Variants in PPP2R2D observed in about 807,000 individuals in gnomAD.
PPP2R2D encodes serine/threonine-protein phosphatase 2A 55 kDa regulatory subunit B delta isoform.
In PPP2R2D, 9 loss-of-function variants were observed where a neutral mutation model predicts 31.1. The observed-to-expected ratio is 0.29, with a 90% confidence interval of 0.17 to 0.51. PPP2R2D has a LOEUF of 0.51. Ranked by LOEUF, PPP2R2D falls within the 20% of genes least tolerant of loss-of-function variation. The pLI, the probability that PPP2R2D is intolerant of heterozygous loss-of-function variation, is 0.98. For missense variants in PPP2R2D, 391 were observed against 465.6 expected (o/e 0.84, Z 1.48); for synonymous variants, 179 against 172.6 (o/e 1.04, Z -0.29).
chr10:131,901,623 G>T (rs1337622811), intron 2 of PPP2R2D, among the ~76,000 whole-genome samples: 1 of 152,144 alleles, frequency 6.6e-6, no homozygotes, highest in African/African-American at 2.4e-5. Context: ...GCTGCCTCCT[G>T]CCCGGGGCGG....
intron 2 of PPP2R2D, among the ~76,000 whole-genome samples, chr10:131,902,385 C>T (rs2035514711): frequency 6.6e-6 from 1 of 152,270 alleles, no homozygotes; most frequent in African/African-American, 2.4e-5. Flanking sequence ...AACTTTTACT[C>T]CCTCTTCCCT....
At chr10:131,949,744 A>G (rs1460837445) in intron 8 of PPP2R2D, among the ~76,000 whole-genome samples, 3 of 151,544 alleles carry the variant, frequency 2.0e-5, no homozygotes, top group Non-Finnish European at 4.4e-5. Context: ...ATGATACATG[A>G]CCGCCAAACA....
intron 2 of PPP2R2D, among the ~76,000 whole-genome samples, chr10:131,927,155 T>G (rs531132127): frequency 2.0e-5 from 3 of 152,064 alleles, no homozygotes; most frequent in Admixed American, 6.5e-5. Context: ...GCAGATTCAT[T>G]AATGGGAAGT....
At chr10:131,912,735 C>T (rs2035704598) in intron 2 of PPP2R2D, 2 of 152,174 alleles carry the variant, frequency 1.3e-5, no homozygotes, top group African/African-American at 2.4e-5. Context: ...GTCCAGAGCC[C>T]ATACTTAAGT....
At position 131,945,610 on chromosome 10, in the gene PPP2R2D, C is replaced by A; in HGVS notation, c.820+151C>A. 1.2e-6 allele frequency: 1 copy of A among 816,268 alleles called. No individual in the cohort carries two copies. Among genetic ancestry groups the A allele is most frequent in the East Asian group, 2.7e-5 (1 of 36,592 alleles). 50.6% of individuals were successfully genotyped at this position (816,268 alleles called of 1,614,324 possible). ...GAGTAGCTGGGACCACAGGCAGGTG[C>A]CACCATGCCCAGCTAGTTTTTGTAT... On this transcript the variant is annotated intron_variant, in intron 7 of 8. Coordinates refer to ENST00000455566, the MANE Select transcript of PPP2R2D (RefSeq NM_018461.5). This position sits in a 1 kb window ranked among gnomAD's most constrained non-coding sequence, Gnocchi z 4.8.
chr10:131,971,486 TCAGAATTATATAA>T, the PPP2R2D span: 1 of 157,406 alleles, frequency 6.4e-6, no homozygotes, highest in African/African-American at 2.4e-5. Context: ...GGCCAAATCC[TCAGAATTATATAA>T]CAGCACGAAA....
At chr10:131,902,360 C>T (rs998354547) in intron 2 of PPP2R2D, among the ~76,000 whole-genome samples, 2 of 152,048 alleles carry the variant, frequency 1.3e-5, no homozygotes, top group African/African-American at 2.4e-5. Flanking sequence ...CCATCTCGGC[C>T]CCCCCAACCC....
At chr10:131,939,618 T>C (rs12770638) in intron 3 of PPP2R2D, among the ~76,000 whole-genome samples, 9 of 85,294 alleles carry the variant, frequency 1.1e-4, no homozygotes, top group East Asian at 9.7e-4. Context: ...CAGACCTGCT[T>C]CAGAAAATAC....
the PPP2R2D span, chr10:131,966,494 A>G: frequency 6.6e-6 from 1 of 152,218 alleles, no homozygotes; most frequent in Non-Finnish European, 1.5e-5. Flanking sequence ...CTAATGTTAC[A>G]ATCTAACGAA....
At chr10:131,910,621 C>T (rs2035667010) in intron 2 of PPP2R2D, among the ~76,000 whole-genome samples, 1 of 152,194 alleles carries the variant, frequency 6.6e-6, no homozygotes, top group African/African-American at 2.4e-5. Context: ...AGGGCTAGTT[C>T]AGCTTGTGTG....
In PPP2R2D at chr10:131,943,974, A is replaced by T; in HGVS notation, c.484A>T (p.Ile162Leu). The T allele has an allele frequency of 1.1e-6, 1 of 905,984 alleles. No individual in the cohort carries two copies. Among genetic ancestry groups the T allele is most frequent in the Non-Finnish European group, 1.9e-6 (1 of 534,650 alleles). 56.1% of individuals were successfully genotyped at this position (905,984 alleles called of 1,614,324 possible). A position where few individuals can be genotyped will look rare whatever the true frequency, so the allele number is the denominator to read the frequency against. The change falls in exon 6 of 9, where the codon ATA (isoleucine) becomes TTA (leucine). Residue 162 changes from isoleucine (I) to leucine (L), a missense_variant. By Grantham distance (5) the Ile-to-Leu change is conservative (BLOSUM62 2). Around this residue, in one of 3 missense-constraint regions of PPP2R2D, gnomAD observed 105 missense variants for 98.5 expected, o/e 1.07. Coordinates refer to ENST00000455566, the MANE Select transcript of PPP2R2D (RefSeq NM_018461.5). Reference protein sequence around the residue: ...PFRITALRVPILKPMDLMVEA... With the variant: ...PFRITALRVPLLKPMDLMVEA... ...TATTTCCTTCCATTTTTAGGTCCCAATATTGAAGCCCATGGATCTTATGGT... is the reference window on the plus strand; with the variant it reads ...TATTTCCTTCCATTTTTAGGTCCCATTATTGAAGCCCATGGATCTTATGGT...
chr10:131,924,178 A>C (rs1483009545), intron 2 of PPP2R2D, among the ~76,000 whole-genome samples: 1 of 152,032 alleles, frequency 6.6e-6, no homozygotes, highest in Non-Finnish European at 1.5e-5. Flanking sequence ...GATGGTGTCC[A>C]CCTTATTTTT....
Position 131,957,349 on chromosome 10 carries a change from A to C in PPP2R2D, c.*1386A>C. 1 of 185,736 alleles carries C rather than the reference A, an allele frequency of 5.4e-6. No individual in the cohort carries two copies. 11.5% of individuals were successfully genotyped at this position (185,736 alleles called of 1,614,324 possible). ...CCTGTGGAGAAGGAGGTGTGTGCTG[A>C]TCCCCTGTGCCCTGTGGAGATGGAG... On this transcript the variant is annotated 3_prime_UTR_variant, in exon 9 of 9. Transcript: ENST00000455566.
chr10:131,930,252 G>A (rs2036195869), intron 2 of PPP2R2D, among the ~76,000 whole-genome samples: 1 of 151,968 alleles, frequency 6.6e-6, no homozygotes, highest in South Asian at 2.1e-4. Flanking sequence ...ACTTCAACAG[G>A]TCTATCAAAT....
At chr10:131,917,670 T>C (rs1236462765) in intron 2 of PPP2R2D, among the ~76,000 whole-genome samples, 3 of 93,962 alleles carry the variant, frequency 3.2e-5, no homozygotes, top group Non-Finnish European at 6.0e-5. Context: ...GGACCTCATG[T>C]GGGTGGAATG....
At chr10:131,938,085 G>A (rs782094460) in intron 3 of PPP2R2D, among the ~76,000 whole-genome samples, 5 of 151,524 alleles carry the variant, frequency 3.3e-5, no homozygotes, top group Middle Eastern at 6.8e-3. Context: ...TCAGTGCAGC[G>A]ACGCGGGGCA....
chr10:131,963,262 C>G (rs1471893639), downstream of PPP2R2D, among the ~76,000 whole-genome samples: 1 of 152,148 alleles, frequency 6.6e-6, no homozygotes, highest in African/African-American at 2.4e-5. Flanking sequence ...ATTTGTTATC[C>G]AAACCTAAAT....
At chr10:131,925,799 A>G (rs1554894840) in intron 2 of PPP2R2D, among the ~76,000 whole-genome samples, 1 of 152,238 alleles carries the variant, frequency 6.6e-6, no homozygotes, top group Non-Finnish European at 1.5e-5. Flanking sequence ...GAAAGCTCTC[A>G]GCAAAGATAG....
At chr10:131,917,967 ACG>A (rs2035852295) in intron 2 of PPP2R2D, among the ~76,000 whole-genome samples, 1 of 80,724 alleles carries the variant, frequency 1.2e-5, no homozygotes, top group African/African-American at 5.1e-5. Flanking sequence ...GGGACCTCAC[ACG>A]GGTGGAATGA....
Sources: allele counts gnomAD v4.1 joint callset (sites outside exome capture counted in the v4.1 genomes callset), GRCh38; gene constraint gnomAD v4.1.1; regional missense constraint gnomAD v4.1.1; non-coding constraint Gnocchi (gnomAD v3.1); transcripts MANE v1.5; gene names NCBI Gene and HGNC (gene_info 2026-07-23, HGNC 2026-07-21).